NNT: variants seen among roughly 807,000 people sequenced by gnomAD.
NNT encodes the protein NAD(P) transhydrogenase, mitochondrial.
In NNT, 50 loss-of-function variants were observed where a neutral mutation model predicts 104.8. The observed-to-expected ratio is 0.48, with a 90% CI of 0.38 to 0.60. The LOEUF (loss-of-function observed/expected upper bound fraction) is 0.60. NNT is among the 20% of genes least tolerant of loss of function. The pLI is 0.00. For missense variants in NNT, 1,131 were observed against 1,330.7 expected (o/e 0.85, Z 2.33); for synonymous variants, 461 against 490.4 (o/e 0.94, Z 0.79).
rs1424485223 is a variant in NNT at position 43,702,609 on chromosome 5, T to C, written c.2996-12T>C. Reference sequence around the variant, plus strand: ...GAGTTTTATATTCTTTCTTTTTTGTTTTATTATATAGATACTGATTTGGTC... The same window carrying C: ...GAGTTTTATATTCTTTCTTTTTTGTCTTATTATATAGATACTGATTTGGTC... On this transcript the variant is annotated splice_polypyrimidine_tract_variant and intron_variant, in intron 20 of 21. Transcript: ENST00000344920. 1 of 1,519,448 alleles carries C rather than the reference T, an allele frequency of 6.6e-7. No individual in the cohort carries two copies. Among genetic ancestry groups the C allele is most frequent in the Non-Finnish European group, 8.9e-7 (1 of 1,120,668 alleles). 94.1% of individuals were successfully genotyped at this position (1,519,448 alleles called of 1,614,324 possible). A position where few individuals can be genotyped will look rare whatever the true frequency, so the allele number is the denominator to read the frequency against.
chr5:43,647,211 C>T (rs1739495153), intron 10 of NNT, among the ~76,000 whole-genome samples: 1 of 152,148 alleles, frequency 6.6e-6, no homozygotes, highest in African/African-American at 2.4e-5. Flanking sequence ...GAAAAAGCCT[C>T]TAGTGGTGAA....
At chr5:43,679,982 G>T (rs540608480) in intron 19 of NNT, among the ~76,000 whole-genome samples, 29 of 151,472 alleles carry the variant, frequency 1.9e-4, no homozygotes, top group African/African-American at 6.8e-4. Context: ...TCATATTAAA[G>T]GTAAAATATA....
chr5:43,619,709 G>A (rs953763086), intron 5 of NNT, among the ~76,000 whole-genome samples: 2 of 152,180 alleles, frequency 1.3e-5, no homozygotes, highest in Non-Finnish European at 2.9e-5. Flanking sequence ...AGTAACAATG[G>A]AAACCCTGAG....
rs535043793 is a variant in NNT, at chr5:43,672,017, G to A, written c.2635-3494G>A. On this transcript the variant is annotated intron_variant, in intron 17 of 21. Transcript: ENST00000344920. Reference sequence around the variant, plus strand: ...ATTTTTTCTCTAAACTTCTCTTCTCGCTTCATTTCATTCATTCGATCTTCA... The same window carrying A: ...ATTTTTTCTCTAAACTTCTCTTCTCACTTCATTTCATTCATTCGATCTTCA... 1.1e-4 allele frequency among the ~76,000 whole-genome samples: 17 copies of A among 151,926 alleles called. No individual in the cohort carries two copies. In the South Asian group the frequency reaches 1.9e-3, roughly 17 times the overall value.
chr5:43,700,148 T>A lies in NNT; in HGVS notation c.2906T>A (p.Met969Lys). ...RFGIHPVAGRMPGQLNVLLAE... is the reference protein window; with the variant it reads ...RFGIHPVAGRKPGQLNVLLAE... ...GGAATTCACCCAGTTGCAGGCCGAA[T>A]GCCTGGTCAGCTTAATGTGCTGCTG... The change falls in exon 20 of 22, where the codon ATG becomes AAG. Residue 969 changes from methionine (M) to lysine (K), a missense_variant. Transcript: ENST00000344920. 1 of 1,613,060 alleles carries A rather than the reference T, an allele frequency of 6.2e-7. No homozygotes were observed.
At chr5:43,630,836 G>A (rs1750636729) in intron 7 of NNT, among the ~76,000 whole-genome samples, 1 of 152,122 alleles carries the variant, frequency 6.6e-6, no homozygotes, top group Non-Finnish European at 1.5e-5. Flanking sequence ...CATATAATGA[G>A]AGCTTAAAGG....
intron 17 of NNT, among the ~76,000 whole-genome samples, chr5:43,670,984 A>G (rs1741041027): frequency 6.6e-6 from 1 of 152,180 alleles, no homozygotes; most frequent in South Asian, 2.1e-4. Flanking sequence ...GGGTGCATAT[A>G]TATTTAGGAT....
chr5:43,608,855 A>G (rs1418529426), intron 1 of NNT, among the ~76,000 whole-genome samples: 1 of 152,240 alleles, frequency 6.6e-6, no homozygotes, highest in Non-Finnish European at 1.5e-5. Flanking sequence ...TTCTAGCTAC[A>G]TTAAGGATCA....
At chr5:43,677,946 G>T in intron 19 of NNT, 140 bp downstream of exon 19, 1 of 623,818 alleles carries the variant, frequency 1.6e-6, no homozygotes, top group South Asian at 2.3e-5. Context: ...TATAACTTTT[G>T]ACTCTCCAAA....
intron 1 of NNT, among the ~76,000 whole-genome samples, chr5:43,606,384 T>A (rs1299325694): frequency 6.6e-6 from 1 of 152,180 alleles, no homozygotes; most frequent in East Asian, 1.9e-4. Context: ...CGGTAGGGGT[T>A]TTGAATGTGT....
chr5:43,640,651 A>T (rs918420261), intron 7 of NNT, among the ~76,000 whole-genome samples: 2 of 151,810 alleles, frequency 1.3e-5, no homozygotes, highest in East Asian at 1.9e-4. Context: ...TCATACTAAG[A>T]GTGAACTTTT....
chr5:43,648,965 G>C lies in NNT; in HGVS notation c.1445-182G>C, dbSNP rs183248889. 3.3e-5 allele frequency among the ~76,000 whole-genome samples: 5 copies of C among 152,156 alleles called. No individual in the cohort carries two copies. The East Asian group carries it at 9.7e-4, about 29-fold the overall frequency. On this transcript the variant is annotated intron_variant, in intron 10 of 21. Transcript: ENST00000344920. ...GGGGGTGGTCAGAAAGTTGGGTTTT[G>C]TCCACAGTATTCCTCCATCCCCCCA...
intron 7 of NNT, among the ~76,000 whole-genome samples, chr5:43,629,482 G>T (rs543319360): frequency 6.6e-6 from 1 of 152,068 alleles, no homozygotes; most frequent in South Asian, 2.1e-4. Flanking sequence ...TTTTCCTCTG[G>T]GTAGATACCA....
chr5:43,643,674 G>A (rs1751352373), intron 7 of NNT, among the ~76,000 whole-genome samples: 2 of 152,098 alleles, frequency 1.3e-5, no homozygotes, highest in Admixed American at 1.3e-4. Context: ...AGTTTTCTGT[G>A]TTAAATTAAG....
At chr5:43,678,402 C>T (rs1741531691) in intron 19 of NNT, among the ~76,000 whole-genome samples, 1 of 152,182 alleles carries the variant, frequency 6.6e-6, no homozygotes, top group Non-Finnish European at 1.5e-5. Context: ...TGGTCTTAGT[C>T]TTACTATTTA....
At chr5:43,650,873 C>T (rs781235650) in intron 12 of NNT, among the ~76,000 whole-genome samples, 22 of 152,128 alleles carry the variant, frequency 1.4e-4, no homozygotes, top group Non-Finnish European at 3.2e-4. Context: ...TTAGAGCTAT[C>T]ACCGTAACAT....
intron 7 of NNT, among the ~76,000 whole-genome samples, chr5:43,629,594 C>T (rs1750569643): frequency 6.6e-6 from 1 of 152,202 alleles, no homozygotes; most frequent in Non-Finnish European, 1.5e-5. Context: ...TTCCCACTAG[C>T]AGTGTAAAAG....
At chr5:43,622,270 A>G (rs1411673148) in intron 5 of NNT, among the ~76,000 whole-genome samples, 2 of 152,128 alleles carry the variant, frequency 1.3e-5, no homozygotes, top group African/African-American at 2.4e-5. Context: ...GAGTTGATGA[A>G]TTCCCCATTT....
intron 17 of NNT, among the ~76,000 whole-genome samples, chr5:43,666,402 C>A (rs1049164386): frequency 1.3e-5 from 2 of 152,174 alleles, no homozygotes; most frequent in African/African-American, 4.8e-5. Context: ...ACCAGCCCGG[C>A]CAACACGGCG....
Sources: gnomAD v4.1 joint callset for allele counts (sites outside exome capture counted in the v4.1 genomes callset) on GRCh38, gnomAD v4.1.1 for gene constraint, MANE v1.5 for transcripts, NCBI Gene and HGNC (gene_info 2026-07-23, HGNC 2026-07-21) for gene names.